Variants in BARX2 observed in about 807,000 individuals in gnomAD.
BARX2 encodes the protein homeobox protein BarH-like 2.
BARX2 carries 11 observed loss-of-function variants against 25.5 expected under a neutral mutation model. The observed-to-expected ratio is 0.43, with a 90% CI of 0.27 to 0.71. The LOEUF is 0.71. Ranked by LOEUF, BARX2 falls within the 30% of genes least tolerant of loss-of-function variation. BARX2 has a pLI of 0.19. For missense variants in BARX2, 360 were observed against 359.9 expected (o/e 1.00, Z 0.00); for synonymous variants, 137 against 149.5 (o/e 0.92, Z 0.61).
chr11:129,409,284 A>G (rs1331712858), intron 1 of BARX2, among the ~76,000 whole-genome samples: 2 of 152,142 alleles, frequency 1.3e-5, no homozygotes, highest in Non-Finnish European at 2.9e-5. Context: ...GTGATAGTCT[A>G]TCTACTAGTC....
Position 129,376,106 on chromosome 11 carries a change from C to T in BARX2, c.71C>T (p.Thr24Ile). 6.2e-7 allele frequency: 1 copy of T among 1,613,110 alleles called. No individual in the cohort carries two copies. Among genetic ancestry groups the T allele is most frequent in the Non-Finnish European group, 8.5e-7 (1 of 1,179,588 alleles). Residue 24 changes from threonine to isoleucine, a missense_variant, in exon 1 of 4, where the codon ACT becomes ATT. Around this residue, in one of 3 missense-constraint regions of BARX2, gnomAD observed 240 missense variants for 228.7 expected, o/e 1.05. Coordinates refer to ENST00000281437, the MANE Select transcript of BARX2 (RefSeq NM_003658.5). The surrounding 1 kb of genome is among the most constrained non-coding windows in gnomAD (Gnocchi z 4.2). The stretch of plus-strand genomic sequence containing the variant: ...AAAGCAGCCAGGCGGCGCTACAAGA[C>T]TTTCATGATCGACGAGATCCTCTCC... ...QLKAARRRYK[T>I]FMIDEILSKE...
chr11:129,391,272 T>G (rs567846913), intron 1 of BARX2, among the ~76,000 whole-genome samples: 24 of 152,320 alleles, frequency 1.6e-4, no homozygotes, highest in African/African-American at 5.8e-4. Flanking sequence ...GCGGAACATT[T>G]CGTGACCTGT....
chr11:129,437,081 G>A, intron 2 of BARX2, 30 bp downstream of exon 2: 1 of 1,510,326 alleles, frequency 6.6e-7, no homozygotes, highest in Non-Finnish European at 8.9e-7. Flanking sequence ...ACTCTCCGCA[G>A]TGAAGGCCCC....
rs1035637623 is a variant in BARX2, at chr11:129,376,465, G to C, written c.187+243G>C. Among the ~76,000 whole-genome samples, 1 of 152,248 alleles carries C rather than the reference G, an allele frequency of 6.6e-6. No individual in the cohort carries two copies. The highest frequency in any genetic ancestry group is 1.5e-5 in the Non-Finnish European group (1 of 68,046). On this transcript the variant is annotated intron_variant, in intron 1 of 3. Coordinates refer to ENST00000281437, the MANE Select transcript of BARX2 (RefSeq NM_003658.5). This position sits in a 1 kb window ranked among gnomAD's most constrained non-coding sequence, Gnocchi z 4.2. ...CTTAGGAGTGGGCTGCTCGCGCAAC[G>C]CCTGATTGTCCTGCTCGGAGGAGAA...
At chr11:129,449,370 G>A (rs1226468291) in intron 3 of BARX2, among the ~76,000 whole-genome samples, 2 of 152,070 alleles carry the variant, frequency 1.3e-5, no homozygotes, top group African/African-American at 4.8e-5. Flanking sequence ...ATGGAGAGAA[G>A]CAGGGTTTGT....
chr11:129,390,862 A>G lies in BARX2; in HGVS notation c.187+14640A>G, dbSNP rs1253682128. Among the ~76,000 whole-genome samples the G allele has an allele frequency of 1.3e-5, 2 of 152,202 alleles. No homozygotes were observed. Among genetic ancestry groups the G allele is most frequent in the Admixed American group, 6.5e-5 (1 of 15,280 alleles). ...CACAAAAGATCATGACGACTGTATT[A>G]TAATACAATAATGGTATTCATGCAG... On this transcript the variant is annotated intron_variant, in intron 1 of 3. Transcript: ENST00000281437. The surrounding 1 kb of genome is among the most constrained non-coding windows in gnomAD (Gnocchi z 4.3).
At chr11:129,441,000 G>A (rs1591447701) in intron 2 of BARX2, among the ~76,000 whole-genome samples, 1 of 152,228 alleles carries the variant, frequency 6.6e-6, no homozygotes, top group East Asian at 1.9e-4. Context: ...AGCAGGGCTG[G>A]CGTGGCAGTG....
intron 3 of BARX2, among the ~76,000 whole-genome samples, chr11:129,447,404 A>G (rs921026173): frequency 6.6e-6 from 1 of 152,142 alleles, no homozygotes; most frequent in African/African-American, 2.4e-5. Flanking sequence ...CCTCTTAGAC[A>G]AGGAGCTCTC....
intron 1 of BARX2, among the ~76,000 whole-genome samples, chr11:129,422,091 G>A (rs745394081): frequency 6.6e-6 from 1 of 152,088 alleles, no homozygotes; most frequent in Admixed American, 6.5e-5. Flanking sequence ...TGTTGTCCAG[G>A]CTGGCCTCGA....
At chr11:129,385,070 G>A (rs1453727819) in intron 1 of BARX2, among the ~76,000 whole-genome samples, 4 of 152,182 alleles carry the variant, frequency 2.6e-5, no homozygotes, top group African/African-American at 9.7e-5. Context: ...GCTCAACCTC[G>A]CTGATAAGTG....
intron 1 of BARX2, among the ~76,000 whole-genome samples, chr11:129,381,225 A>G (rs911339740): frequency 6.6e-6 from 1 of 152,194 alleles, no homozygotes; most frequent in Non-Finnish European, 1.5e-5. Context: ...TTAATTCAGT[A>G]ATTTCATGCA....
intron 1 of BARX2, among the ~76,000 whole-genome samples, chr11:129,389,255 G>A (rs913014711): frequency 6.6e-6 from 1 of 152,172 alleles, no homozygotes; most frequent in Non-Finnish European, 1.5e-5. Context: ...CATCACTGAA[G>A]TACAACCCTT....
At chr11:129,378,745 A>G (rs904076935) in intron 1 of BARX2, among the ~76,000 whole-genome samples, 2 of 151,522 alleles carry the variant, frequency 1.3e-5, no homozygotes, top group South Asian at 2.1e-4. Flanking sequence ...GTCAGGTAAA[A>G]TAATGAAAAC....
At chr11:129,375,664 G>C (rs1322188663), upstream of BARX2, among the ~76,000 whole-genome samples, 2 of 152,006 alleles carry the variant, frequency 1.3e-5, no homozygotes, top group Non-Finnish European at 2.9e-5. This position sits in a 1 kb window ranked among gnomAD's most constrained non-coding sequence, Gnocchi z 4.0. Context: ...ACACCAGAGC[G>C]GGAGGCAGCG....
intron 1 of BARX2, among the ~76,000 whole-genome samples, chr11:129,435,948 C>T (rs140926636): frequency 7.9e-5 from 12 of 152,338 alleles, no homozygotes; most frequent in African/African-American, 2.9e-4. Flanking sequence ...TGTTAATCGA[C>T]CCAGCACCTT....
chr11:129,379,513 A>G (rs961933366), intron 1 of BARX2, among the ~76,000 whole-genome samples: 3 of 151,750 alleles, frequency 2.0e-5, no homozygotes, highest in Admixed American at 6.6e-5. Context: ...AGGATGCTTT[A>G]TTTTCTTTTT....
intron 1 of BARX2, among the ~76,000 whole-genome samples, chr11:129,383,328 G>A (rs1350066147): frequency 2.6e-5 from 4 of 152,134 alleles, no homozygotes; most frequent in Admixed American, 6.5e-5. Context: ...CTTCTTGAAA[G>A]TGGAAACTTG....
chr11:129,416,867 G>A (rs1397177508), intron 1 of BARX2, among the ~76,000 whole-genome samples: 2 of 147,116 alleles, frequency 1.4e-5, no homozygotes, highest in African/African-American at 5.2e-5. Context: ...CATCTATCCA[G>A]TGTCTTTGTT....
At chr11:129,402,018 G>GT (rs34593681) in intron 1 of BARX2, among the ~76,000 whole-genome samples, 5,516 of 141,242 alleles carry the variant, frequency 0.039, 128 homozygotes, top group Middle Eastern at 0.051. Context: ...GTTGACAGTG[G>GT]TTTTTTTTTT....
Sources: gnomAD v4.1 joint callset for allele counts (sites outside exome capture counted in the v4.1 genomes callset) on GRCh38, gnomAD v4.1.1 for gene constraint, gnomAD v4.1.1 regional missense constraint, Gnocchi (gnomAD v3.1) non-coding constraint, MANE v1.5 for transcripts, NCBI Gene and HGNC (gene_info 2026-07-23, HGNC 2026-07-21) for gene names.